TAFA1: variants seen among roughly 807,000 people sequenced by gnomAD.
The protein encoded by TAFA1 is TAFA chemokine like family member 1, also known as chemokine-like protein TAFA-1.
TAFA1 carries 4 observed loss-of-function variants against 18.5 expected under a neutral mutation model. The ratio of observed to expected loss-of-function variants is 0.22; its 90% CI spans 0.11 to 0.49. The LOEUF (loss-of-function observed/expected upper bound fraction) is 0.49, where lower values mean the gene tolerates loss of function less well. Ranked by LOEUF, TAFA1 falls within the 20% of genes least tolerant of loss-of-function variation. TAFA1 has a pLI of 0.98. For synonymous variants in TAFA1, 56 were observed against 55.2 expected, an observed-to-expected ratio of 1.01 and a Z score of -0.06; for missense variants, 147 against 169.0, an observed-to-expected ratio of 0.87 and a Z score of 0.72.
At chr3:68,399,665 C>T (rs989558900) in intron 2 of TAFA1, among the ~76,000 whole-genome samples, 27 of 152,074 alleles carry the variant, frequency 1.8e-4, no homozygotes, top group Admixed American at 8.5e-4. Flanking sequence ...GTAATAAAAA[C>T]GACTACCCAC....
chr3:68,272,926 T>G (rs1361993965), intron 2 of TAFA1, among the ~76,000 whole-genome samples: 1 of 152,186 alleles, frequency 6.6e-6, no homozygotes, highest in Non-Finnish European at 1.5e-5. Flanking sequence ...CTTTCTTTTT[T>G]CTTTTATTCT....
chr3:68,386,129 T>C lies in TAFA1; in HGVS notation c.119-31151T>C, dbSNP rs1332353544. ...CTGACTTGCTATGAACAAGACATTG[T>C]GCCAAATTTATTCTCCACACCATGA... On this transcript the variant is annotated intron_variant, in intron 2 of 4. Transcript: ENST00000478136. 4.6e-5 allele frequency among the ~76,000 whole-genome samples: 7 copies of C among 152,278 alleles called. No individual in the cohort carries two copies. In the South Asian group the frequency reaches 1.2e-3, roughly 27 times the overall value.
chr3:68,211,202 A>G (rs895557423), intron 2 of TAFA1, among the ~76,000 whole-genome samples: 6 of 152,040 alleles, frequency 3.9e-5, no homozygotes, highest in Admixed American at 6.6e-5. Flanking sequence ...AGTTTCATTC[A>G]GTGTGGGGGA....
At chr3:68,375,000 T>C (rs1280074738) in intron 2 of TAFA1, among the ~76,000 whole-genome samples, 2 of 152,166 alleles carry the variant, frequency 1.3e-5, no homozygotes, top group East Asian at 1.9e-4. Context: ...CAACTCTCCA[T>C]AGGCTAATCA....
chr3:68,231,713 G>T (rs2066874670), intron 2 of TAFA1, among the ~76,000 whole-genome samples: 1 of 152,084 alleles, frequency 6.6e-6, no homozygotes, highest in African/African-American at 2.4e-5. Context: ...ATATACCATA[G>T]AATCCACTTG....
At chr3:68,301,645 T>A (rs1181952641) in intron 2 of TAFA1, among the ~76,000 whole-genome samples, 1 of 146,692 alleles carries the variant, frequency 6.8e-6, no homozygotes, top group Non-Finnish European at 1.5e-5. Context: ...AAAAGATGGA[T>A]TTTTTTTTAA....
At chr3:68,336,040 T>C (rs1364193943) in intron 2 of TAFA1, among the ~76,000 whole-genome samples, 2 of 152,332 alleles carry the variant, frequency 1.3e-5, no homozygotes, top group African/African-American at 4.8e-5. Context: ...CTGGCAAACC[T>C]GGGCTTGAAG....
chr3:68,513,155 C>A (rs1159150959), intron 3 of TAFA1, among the ~76,000 whole-genome samples: 1 of 152,084 alleles, frequency 6.6e-6, no homozygotes, highest in Non-Finnish European at 1.5e-5. Flanking sequence ...CCACAGGTGC[C>A]TCCAGAGTGG....
At chr3:68,453,588 A>T (rs2071604265) in intron 3 of TAFA1, among the ~76,000 whole-genome samples, 1 of 152,234 alleles carries the variant, frequency 6.6e-6, no homozygotes, top group African/African-American at 2.4e-5. Flanking sequence ...TGCATAGAAT[A>T]TCAATTCTAT....
At chr3:68,327,307 G>C (rs1273824398) in intron 2 of TAFA1, among the ~76,000 whole-genome samples, 1 of 152,056 alleles carries the variant, frequency 6.6e-6, no homozygotes, top group Non-Finnish European at 1.5e-5. Context: ...AGATGTATTT[G>C]GATATTAACC....
chr3:68,317,392 T>C (rs1278743080), intron 2 of TAFA1, among the ~76,000 whole-genome samples: 1 of 152,182 alleles, frequency 6.6e-6, no homozygotes, highest in Non-Finnish European at 1.5e-5. Context: ...TTGCCTTCCT[T>C]CCTAAATCTA....
At chr3:68,544,406 C>G in intron 4 of TAFA1, 80 bp from the exon 5 acceptor site, 1 of 1,422,160 alleles carries the variant, frequency 7.0e-7, no homozygotes, top group East Asian at 2.3e-5. Context: ...AAGGTGTCCT[C>G]CTTTTCTACA....
At chr3:68,393,749 T>C (rs2070313284) in intron 2 of TAFA1, among the ~76,000 whole-genome samples, 1 of 151,790 alleles carries the variant, frequency 6.6e-6, no homozygotes, top group African/African-American at 2.4e-5. Flanking sequence ...AGAAACAGAA[T>C]CAATGACAAA....
chr3:68,142,586 G>T (rs1472811472), intron 2 of TAFA1, among the ~76,000 whole-genome samples: 1 of 152,186 alleles, frequency 6.6e-6, no homozygotes, highest in Non-Finnish European at 1.5e-5. Context: ...CAACAGATTT[G>T]TGTGTTATCA....
intron 2 of TAFA1, among the ~76,000 whole-genome samples, chr3:68,296,194 G>A (rs771801161): frequency 5.3e-5 from 8 of 152,140 alleles, no homozygotes; most frequent in Non-Finnish European, 1.0e-4. Flanking sequence ...AATCTGGACC[G>A]CCTACCCTCG....
At chr3:68,544,225 A>G (rs551484726) in intron 4 of TAFA1, among the ~76,000 whole-genome samples, 1 of 152,242 alleles carries the variant, frequency 6.6e-6, no homozygotes, top group South Asian at 2.1e-4. Context: ...AGTCCTGGAT[A>G]GGCATTGCTC....
intron 3 of TAFA1, among the ~76,000 whole-genome samples, chr3:68,510,254 A>T (rs1337278382): frequency 6.6e-6 from 1 of 152,042 alleles, no homozygotes; most frequent in East Asian, 1.9e-4. Context: ...TTGCAATAGG[A>T]CATATTATAC....
At chr3:68,333,196 T>C (rs2106735027) in intron 2 of TAFA1, among the ~76,000 whole-genome samples, 1 of 152,310 alleles carries the variant, frequency 6.6e-6, no homozygotes, top group Middle Eastern at 3.4e-3. Context: ...TAAAAGCACA[T>C]ACATGTGTAT....
At chr3:68,277,383 C>CT (rs1202211590) in intron 2 of TAFA1, among the ~76,000 whole-genome samples, 2 of 152,106 alleles carry the variant, frequency 1.3e-5, no homozygotes, top group African/African-American at 4.8e-5. Flanking sequence ...ATCCTTCTGG[C>CT]TTTCTATTGT....
Sources: allele counts gnomAD v4.1 joint callset (sites outside exome capture counted in the v4.1 genomes callset), GRCh38; gene constraint gnomAD v4.1.1; transcripts MANE v1.5; gene names NCBI Gene and HGNC (gene_info 2026-07-23, HGNC 2026-07-21).